Variants in RPL28 observed in about 807,000 individuals in gnomAD.
RPL28 encodes the protein ribosomal protein L28.
Under a neutral mutation model 12.5 loss-of-function variants are expected in RPL28, and 4 were observed. That is an observed-to-expected ratio of 0.32 (90% CI 0.16 to 0.73). The LOEUF (loss-of-function observed/expected upper bound fraction) is 0.73. RPL28 is among the 30% of genes least tolerant of loss of function. The pLI, the probability that RPL28 is intolerant of heterozygous loss-of-function variation, is 0.66. For synonymous variants in RPL28, 91 were observed against 72.5 expected, an observed-to-expected ratio of 1.26 and a Z score of -1.30; for missense variants, 214 against 197.7, an observed-to-expected ratio of 1.08 and a Z score of -0.49.
Position 55,388,567 on chromosome 19 carries a change from A to C in RPL28, c.*235A>C. On this transcript the variant is annotated 3_prime_UTR_variant, in exon 5 of 5. Transcript: ENST00000344063. ...GGGCAAGGGTCACTGTCTTCACAGA[A>C]AAAGTTTGCTGACTTGTGATTGAGA... 1 of 1,250,986 alleles carries C rather than the reference A, an allele frequency of 8.0e-7. No individual in the cohort carries two copies. The highest frequency in any genetic ancestry group is 1.0e-6 in the Non-Finnish European group (1 of 998,028). 77.5% of individuals were successfully genotyped at this position (1,250,986 alleles called of 1,614,324 possible). A position where few individuals can be genotyped will look rare whatever the true frequency, so the allele number is the denominator to read the frequency against.
At chr19:55,393,253 C>T (rs1313516401), downstream of RPL28, among the ~76,000 whole-genome samples, 4 of 129,122 alleles carry the variant, frequency 3.1e-5, no homozygotes, top group Non-Finnish European at 6.7e-5. Context: ...CACCCCCCCC[C>T]CCCCCCGACC....
chr19:55,385,959 A>G lies in RPL28; in HGVS notation c.-15A>G, dbSNP rs17700376. ...CTTTCCGTCTCAGGTCGCCGCTGCG[A>G]AGGGAGGTGAGCGTTCGTCTTCCTC... On this transcript the variant is annotated 5_prime_UTR_variant, in exon 1 of 5. Coordinates refer to ENST00000344063, the MANE Select transcript of RPL28 (RefSeq NM_000991.5). The G allele has an allele frequency of 0.3, 72,542 of 240,388 alleles. 12,168 individuals are homozygous for G. Among genetic ancestry groups the G allele is most frequent in the South Asian group, 0.38 (8,022 of 20,928 alleles). The allele number at this position is 240,388 out of a possible 1,614,324, so 14.9% of individuals were successfully genotyped here.
In RPL28 at chr19:55,386,367, C is replaced by T; in HGVS notation, c.10C>T (p.His4Tyr). MSA[H>Y]LQWMVVRNCS... ...CCCCGCAGCCGCCGCCATGTCTGCG[C>T]ATCTGCAATGGATGGTCGTGCGGAA... Residue 4 changes from histidine to tyrosine, a missense_variant, in exon 2 of 5, where the codon CAT (histidine) becomes TAT (tyrosine). His to Tyr is a moderately conservative substitution (Grantham distance 83, BLOSUM62 2). Transcript: ENST00000344063. 16 of 1,614,056 alleles carry T rather than the reference C, an allele frequency of 9.9e-6. No individual in the cohort carries two copies. Among genetic ancestry groups the T allele is most frequent in the African/African-American group, 4.0e-5 (3 of 75,056 alleles).
downstream of RPL28, among the ~76,000 whole-genome samples, chr19:55,395,746 T>G (rs2090018996): frequency 6.6e-6 from 1 of 152,116 alleles, no homozygotes; most frequent in Non-Finnish European, 1.5e-5. Flanking sequence ...CCCAGCCTCT[T>G]TTTCTCATTT....
downstream of RPL28, among the ~76,000 whole-genome samples, chr19:55,393,131 G>A (rs943160799): frequency 1.4e-5 from 2 of 141,586 alleles, no homozygotes; most frequent in African/African-American, 5.0e-5. Context: ...AGCTCCCACC[G>A]GCCTCCCACA....
chr19:55,395,515 C>T (rs932502816), downstream of RPL28, among the ~76,000 whole-genome samples: 1 of 150,574 alleles, frequency 6.6e-6, no homozygotes, highest in Non-Finnish European at 1.5e-5. Context: ...GCCATCTCGG[C>T]TCACTGCAAG....
chr19:55,398,901 C>T (rs969816096), intron 4 of RPL28, among the ~76,000 whole-genome samples: 2 of 152,100 alleles, frequency 1.3e-5, no homozygotes, highest in African/African-American at 4.8e-5. Flanking sequence ...GAGGTTTCGC[C>T]ACGTTGGGCA....
At chr19:55,393,248 C>T (rs1600309712), downstream of RPL28, among the ~76,000 whole-genome samples, 1 of 2,308 alleles carries the variant, frequency 4.3e-4, no homozygotes, top group Non-Finnish European at 3.3e-3. Flanking sequence ...CGACGCACCC[C>T]CCCCCCCCCC....
At chr19:55,388,084 T>G (rs2089952178) in intron 4 of RPL28, 36 bp downstream of exon 4, 1 of 1,611,258 alleles carries the variant, frequency 6.2e-7, no homozygotes, top group Non-Finnish European at 8.5e-7. Context: ...TTGGGGAGAC[T>G]GGCCAGTGCT....
chr19:55,387,727 GC>G, intron 3 of RPL28: 1 of 1,428,842 alleles, frequency 7.0e-7, no homozygotes, highest in Non-Finnish European at 9.1e-7. Flanking sequence ...TGTGGCAGAA[GC>G]TGTGTCCTCA....
Position 55,386,774 on chromosome 19 carries a change from G to C in RPL28, c.205+81G>C, listed in dbSNP as rs747924326. ...GTGATTTTTTACTGTCAGGCAGGAA[G>C]AGCGGTAACTGCCATCGCGGCGGGC... On this transcript the variant is annotated intron_variant, in intron 3 of 4. Transcript: ENST00000344063. The C allele has an allele frequency of 7.4e-6, 12 of 1,612,302 alleles. No homozygotes were observed. In the East Asian group the frequency reaches 2.7e-4, roughly 36 times the overall value.
chr19:55,390,065 A>C lies in RPL28; in HGVS notation c.*1733A>C. 1 of 985,512 alleles carries C rather than the reference A, an allele frequency of 1.0e-6. No individual in the cohort carries two copies. Among genetic ancestry groups the C allele is most frequent in the Non-Finnish European group, 1.2e-6 (1 of 829,970 alleles). The allele number at this position is 985,512 out of a possible 1,614,324, so 61.0% of individuals were successfully genotyped here. ...CCTCCACAGCACTGATTTGCAGCCC[A>C]CAAGCTGGCAGGTTTATCTGTCTCA... On this transcript the variant is annotated 3_prime_UTR_variant, in exon 5 of 5. Coordinates refer to ENST00000344063, the MANE Select transcript of RPL28 (RefSeq NM_000991.5).
intron 4 of RPL28, chr19:55,401,914 T>C: frequency 1.5e-6 from 1 of 664,930 alleles, no homozygotes; most frequent in Non-Finnish European, 2.2e-6. Context: ...TCCCTCATCT[T>C]TGCTCCTGTC....
At chr19:55,398,953 T>C (rs111331821) in intron 4 of RPL28, among the ~76,000 whole-genome samples, 15,060 of 152,136 alleles carry the variant, frequency 0.099, 1,161 homozygotes, top group African/African-American at 0.2. Flanking sequence ...CCACCAGCCT[T>C]GGCCTCCCAA....
In RPL28 at chr19:55,389,757, G is replaced by C. The variant is rs903563257; in HGVS notation, c.*1425G>C. Reference sequence around the variant, plus strand: ...GTCCTTCCCTTAGTTGGGTCTATTAGCTCAGATTGAGAGGTGTTGCCTTAA... The same window carrying C: ...GTCCTTCCCTTAGTTGGGTCTATTACCTCAGATTGAGAGGTGTTGCCTTAA... On this transcript the variant is annotated 3_prime_UTR_variant, in exon 5 of 5. Transcript: ENST00000344063. The C allele has an allele frequency of 2.4e-5, 24 of 985,422 alleles. No homozygotes were observed. In the African/African-American group the frequency reaches 4.0e-4, roughly 17 times the overall value. The allele number at this position is 985,422 out of a possible 1,614,324, so 61.0% of individuals were successfully genotyped here.
In RPL28 at chr19:55,391,016, A is replaced by T. The variant is rs2089985351; in HGVS notation, c.*2684A>T. The T allele has an allele frequency of 1.0e-6, 1 of 955,624 alleles. No individual in the cohort carries two copies. The highest frequency in any genetic ancestry group is 1.2e-6 in the Non-Finnish European group (1 of 802,768). The allele number at this position is 955,624 out of a possible 1,614,324, so 59.2% of individuals were successfully genotyped here. A position where few individuals can be genotyped will look rare whatever the true frequency, so the allele number is the denominator to read the frequency against. On this transcript the variant is annotated 3_prime_UTR_variant, in exon 5 of 5. Transcript: ENST00000344063. ...AAAACAGGCAGGCTCACCATAGTAA[A>T]AATGCTGAAAGCCAAAGACAAAATT... is the stretch of plus-strand genomic sequence containing the variant.
chr19:55,387,565 T>C (rs1406819953), intron 3 of RPL28: 1 of 1,425,986 alleles, frequency 7.0e-7, no homozygotes, highest in African/African-American at 1.4e-5. Context: ...GAACCACTGC[T>C]GTGGGGATGG....
At chr19:55,402,539 G>A (rs1166842364) in intron 4 of RPL28, among the ~76,000 whole-genome samples, 2 of 152,228 alleles carry the variant, frequency 1.3e-5, no homozygotes, top group South Asian at 2.1e-4. Context: ...ACTGGCCACA[G>A]CAGTTTGCTC....
chr19:55,395,589 GCC>G (rs2090016516), downstream of RPL28, among the ~76,000 whole-genome samples: 2 of 151,354 alleles, frequency 1.3e-5, no homozygotes, highest in African/African-American at 4.9e-5. Context: ...GACTACAGGC[GCC>G]CACCACCACA....
Sources: gnomAD v4.1 joint callset for allele counts (sites outside exome capture counted in the v4.1 genomes callset) on GRCh38, gnomAD v4.1.1 for gene constraint, MANE v1.5 for transcripts, NCBI Gene and HGNC (gene_info 2026-07-23, HGNC 2026-07-21) for gene names.